The following JMJD1C variants were observed in gnomAD, a reference collection of about 807,000 sequenced individuals.
JMJD1C encodes jumonji domain containing 1C.
Under a neutral mutation model 245.3 loss-of-function variants are expected in JMJD1C, and 31 were observed. The observed-to-expected ratio is 0.13, with a 90% confidence interval of 0.09 to 0.17. The LOEUF is 0.17. Among genes scored for constraint, JMJD1C ranks in the 10% least tolerant of loss-of-function variants. The pLI, the probability that JMJD1C is intolerant of heterozygous loss-of-function variation, is 1.00. For missense variants in JMJD1C, 2,691 were observed against 3,000.2 expected (o/e 0.90, Z 2.41); for synonymous variants, 1,057 against 1,017.4 (o/e 1.04, Z -0.74).
intron 1 of JMJD1C, among the ~76,000 whole-genome samples, chr10:63,439,431 T>A (rs1589750725): frequency 6.6e-6 from 1 of 152,316 alleles, no homozygotes; most frequent in Non-Finnish European, 1.5e-5. Flanking sequence ...TGCGTTCTTT[T>A]TAAACTCAGC....
chr10:63,456,550 CTCCTAACT>C (rs1564939430), intron 1 of JMJD1C, among the ~76,000 whole-genome samples: 1 of 152,092 alleles, frequency 6.6e-6, no homozygotes, highest in African/African-American at 2.4e-5. Flanking sequence ...AATCTTAAAA[CTCCTAACT>C]TTAACAGATG....
chr10:63,395,959 A>G (rs1022694350), intron 1 of JMJD1C, among the ~76,000 whole-genome samples: 7 of 152,168 alleles, frequency 4.6e-5, no homozygotes, highest in Non-Finnish European at 8.8e-5. Context: ...AAATGGTAGC[A>G]AAAGTAATTT....
intron 1 of JMJD1C, among the ~76,000 whole-genome samples, chr10:63,392,274 A>C (rs1391353665): frequency 6.6e-6 from 1 of 152,184 alleles, no homozygotes; most frequent in Non-Finnish European, 1.5e-5. Context: ...TACTAGAAGA[A>C]AACAAAGGGA....
At chr10:63,444,089 C>T (rs552243738) in intron 1 of JMJD1C, among the ~76,000 whole-genome samples, 9 of 152,272 alleles carry the variant, frequency 5.9e-5, no homozygotes, top group Middle Eastern at 3.4e-3. Context: ...GATATTTATA[C>T]ATTCAAAACA....
At chr10:63,516,737 C>T (rs1446717344) in intron 1 of JMJD1C, among the ~76,000 whole-genome samples, 2 of 152,190 alleles carry the variant, frequency 1.3e-5, no homozygotes, top group Admixed American at 6.5e-5. Flanking sequence ...CAGATCCAGC[C>T]ATCACAGATG....
Position 63,189,863 on chromosome 10 carries a change from A to ACC in JMJD1C, c.6292-419_6292-418dup, listed in dbSNP as rs368568965. On this transcript the variant is annotated intron_variant, in intron 17 of 25. Coordinates refer to ENST00000399262, the MANE Select transcript of JMJD1C (RefSeq NM_032776.3). ...AGTGCTAGGATTACAGGCATGATTGACCCCCCAATACTCCATATATATATA... is the reference window on the plus strand; with the variant it reads ...AGTGCTAGGATTACAGGCATGATTGACCCCCCCCAATACTCCATATATATATA... Among the ~76,000 whole-genome samples, 553 of 148,656 alleles carry ACC rather than the reference A, an allele frequency of 3.7e-3. 3 individuals carry two copies. Among genetic ancestry groups the ACC allele is most frequent in the African/African-American group, 0.013 (536 of 40,400 alleles).
Position 63,191,094 on chromosome 10 carries a change from T to C in JMJD1C, c.6091A>G (p.Thr2031Ala). The change falls in exon 17 of 26, where the codon ACC (threonine) becomes GCC (alanine). Residue 2031 changes from threonine (T) to alanine (A), a missense_variant. Transcript: ENST00000399262. The part of the protein sequence containing the change: ...REEKKENKEL[T>A]LENQIKEERE... ...TCTTCTTTAATTTGGTTTTCAAGGG[T>C]AAGTTCTTTGTTTTCTGAAATAGAA... 6.2e-7 allele frequency: 1 copy of C among 1,611,868 alleles called. No individual in the cohort carries two copies. The highest frequency in any genetic ancestry group is 8.5e-7 in the Non-Finnish European group (1 of 1,178,018).
chr10:63,465,350 G>T (rs1428030720), intron 1 of JMJD1C, 145 bp downstream of exon 1: 4 of 829,132 alleles, frequency 4.8e-6, no homozygotes, highest in South Asian at 1.8e-5. Context: ...CAAGGGATGC[G>T]GGCAAACGCG....
chr10:63,344,265 G>T (rs1943620400), intron 2 of JMJD1C, among the ~76,000 whole-genome samples: 1 of 151,848 alleles, frequency 6.6e-6, no homozygotes, highest in Admixed American at 6.6e-5. Flanking sequence ...TCTATGTTTA[G>T]ATACACAAAA....
At chr10:63,332,931 G>A (rs1269673758) in intron 2 of JMJD1C, among the ~76,000 whole-genome samples, 1 of 152,004 alleles carries the variant, frequency 6.6e-6, no homozygotes, top group Non-Finnish European at 1.5e-5. Context: ...AAACCATTAT[G>A]CTAATTATCA....
intron 1 of JMJD1C, among the ~76,000 whole-genome samples, chr10:63,389,178 G>A (rs757144032): frequency 6.6e-6 from 1 of 151,722 alleles, no homozygotes; most frequent in Non-Finnish European, 1.5e-5. Context: ...ACAAAAATTG[G>A]TGACATGCCT....
intron 1 of JMJD1C, among the ~76,000 whole-genome samples, chr10:63,486,931 C>A (rs1310027332): frequency 6.6e-6 from 1 of 152,126 alleles, no homozygotes; most frequent in Admixed American, 6.6e-5. Flanking sequence ...AGTAATGATA[C>A]GGATGAATAA....
At position 63,176,281 on chromosome 10, in the gene JMJD1C, A is replaced by G. The variant is rs997381793; in HGVS notation, c.7401+16T>C. 4 of 1,542,202 alleles carry G rather than the reference A, an allele frequency of 2.6e-6. No homozygotes were observed. In the African/African-American group the frequency reaches 5.5e-5, roughly 21 times the overall value. On this transcript the variant is annotated intron_variant, in intron 24 of 25. Coordinates refer to ENST00000399262, the MANE Select transcript of JMJD1C (RefSeq NM_032776.3). Reference sequence around the variant, plus strand: ...TCAGTCAGTAAAAAATATGTTAGAAATAAGTTTGTATATACCTGATGAAGT... The same window carrying G: ...TCAGTCAGTAAAAAATATGTTAGAAGTAAGTTTGTATATACCTGATGAAGT...
chr10:63,233,704 A>G (rs543810120), intron 3 of JMJD1C, among the ~76,000 whole-genome samples: 1 of 150,276 alleles, frequency 6.7e-6, no homozygotes, highest in Admixed American at 6.7e-5. Context: ...TTATATATAT[A>G]TGTATCTCCA....
chr10:63,520,258 A>G (rs575241827), intron 1 of JMJD1C, among the ~76,000 whole-genome samples: 1 of 152,188 alleles, frequency 6.6e-6, no homozygotes, highest in Non-Finnish European at 1.5e-5. Context: ...TTGAAAGGCA[A>G]GAGACAGACT....
intron 24 of JMJD1C, among the ~76,000 whole-genome samples, chr10:63,175,356 TATC>T (rs1309479852): frequency 2.0e-5 from 3 of 152,164 alleles, no homozygotes; most frequent in Non-Finnish European, 2.9e-5. Context: ...TCCAGGAAAT[TATC>T]ATAGAGAAAA....
intron 2 of JMJD1C, among the ~76,000 whole-genome samples, chr10:63,297,631 G>A (rs932212672): frequency 6.6e-6 from 1 of 152,158 alleles, no homozygotes; most frequent in African/African-American, 2.4e-5. Context: ...CTTTCTGGGG[G>A]CCCAGACCTT....
intron 3 of JMJD1C, among the ~76,000 whole-genome samples, chr10:63,258,665 A>C (rs1406687711): frequency 6.6e-6 from 1 of 151,992 alleles, no homozygotes; most frequent in African/African-American, 2.4e-5. Context: ...TACTTCTTTA[A>C]CCATTTCAGT....
At chr10:63,498,052 G>C (rs1176902884) in intron 1 of JMJD1C, among the ~76,000 whole-genome samples, 1 of 152,130 alleles carries the variant, frequency 6.6e-6, no homozygotes, top group Non-Finnish European at 1.5e-5. Context: ...CTATCAAAGA[G>C]TGATACGGTC....
Sources: allele counts gnomAD v4.1 joint callset (sites outside exome capture counted in the v4.1 genomes callset), GRCh38; gene constraint gnomAD v4.1.1; transcripts MANE v1.5; gene names NCBI Gene and HGNC (gene_info 2026-07-23, HGNC 2026-07-21).